CDC42SE2: variants seen among roughly 807,000 people sequenced by gnomAD.
The protein encoded by CDC42SE2 is CDC42 small effector protein 2.
In CDC42SE2, 3 loss-of-function variants were observed where a neutral mutation model predicts 11.5. That is an observed-to-expected ratio of 0.26 (90% confidence interval 0.12 to 0.67). CDC42SE2 has a LOEUF of 0.67. CDC42SE2 is among the 30% of genes least tolerant of loss of function. CDC42SE2 has a pLI of 0.80. For synonymous variants in CDC42SE2, 33 were observed against 34.8 expected (o/e 0.95, Z 0.18); for missense variants, 82 against 106.8 (o/e 0.77, Z 1.02).
chr5:131,213,423 T>G, the CDC42SE2 span, among the ~76,000 whole-genome samples: 6 of 152,080 alleles, frequency 3.9e-5, no homozygotes, highest in African/African-American at 1.4e-4. Flanking sequence ...AGATACCAAT[T>G]ATTTTTTTCT....
At chr5:131,235,872 G>T in the CDC42SE2 span, among the ~76,000 whole-genome samples, 6 of 152,196 alleles carry the variant, frequency 3.9e-5, no homozygotes, top group African/African-American at 1.4e-4. Flanking sequence ...GGGATTACAG[G>T]TGTGAGCCAC....
chr5:131,332,552 C>T (rs1758444217), intron 2 of CDC42SE2, among the ~76,000 whole-genome samples: 2 of 152,092 alleles, frequency 1.3e-5, no homozygotes, highest in African/African-American at 4.8e-5. Context: ...CACCAACTTC[C>T]ACAATGGTTG....
chr5:131,220,293 G>A, the CDC42SE2 span, among the ~76,000 whole-genome samples: 1 of 152,002 alleles, frequency 6.6e-6, no homozygotes. Context: ...TGCAACCTCC[G>A]TCTCCCGGTT....
At chr5:131,347,944 C>G (rs746006523) in intron 2 of CDC42SE2, among the ~76,000 whole-genome samples, 29 of 152,212 alleles carry the variant, frequency 1.9e-4, no homozygotes, top group Non-Finnish European at 3.7e-4. Context: ...CAAAATTCAA[C>G]AACGCTTCAT....
intron 1 of CDC42SE2, among the ~76,000 whole-genome samples, chr5:131,274,494 G>T (rs1757060538): frequency 6.6e-6 from 1 of 152,190 alleles, no homozygotes; most frequent in Admixed American, 6.5e-5. Context: ...TCTCTTGCAT[G>T]TATTATTTTA....
intron 2 of CDC42SE2, among the ~76,000 whole-genome samples, chr5:131,327,336 A>G (rs1758320208): frequency 6.6e-6 from 1 of 152,092 alleles, no homozygotes; most frequent in Non-Finnish European, 1.5e-5. Context: ...CAGTGAGTAT[A>G]TTGCTGGTAT....
chr5:131,282,683 C>T (rs1346485897), intron 1 of CDC42SE2, among the ~76,000 whole-genome samples: 1 of 152,066 alleles, frequency 6.6e-6, no homozygotes, highest in Non-Finnish European at 1.5e-5. Flanking sequence ...GGCTGGAGTG[C>T]AGTGGCGCGA....
At chr5:131,353,982 C>T (rs1243692652) in intron 2 of CDC42SE2, among the ~76,000 whole-genome samples, 8 of 151,754 alleles carry the variant, frequency 5.3e-5, no homozygotes, top group African/African-American at 1.9e-4. Context: ...GCTCATGCCT[C>T]TAATCCCAGC....
At chr5:131,312,053 T>C (rs1368824074) in intron 1 of CDC42SE2, among the ~76,000 whole-genome samples, 1 of 152,144 alleles carries the variant, frequency 6.6e-6, no homozygotes, top group Non-Finnish European at 1.5e-5. Flanking sequence ...TTCCGTTCTG[T>C]TTTTTCCCCA....
At chr5:131,389,747 C>T (rs1018162976) in intron 4 of CDC42SE2, among the ~76,000 whole-genome samples, 11 of 152,276 alleles carry the variant, frequency 7.2e-5, no homozygotes, top group African/African-American at 2.4e-4. Context: ...GATGATGCCC[C>T]GGTTCCTTCC....
At chr5:131,298,146 A>G (rs1757610032) in intron 1 of CDC42SE2, among the ~76,000 whole-genome samples, 1 of 149,478 alleles carries the variant, frequency 6.7e-6, no homozygotes, top group African/African-American at 2.5e-5. Context: ...CTTGTTGCCC[A>G]GGCTGGAGTG....
intron 3 of CDC42SE2, among the ~76,000 whole-genome samples, chr5:131,370,058 A>T (rs1749972886): frequency 6.6e-6 from 1 of 152,216 alleles, no homozygotes; most frequent in Non-Finnish European, 1.5e-5. Flanking sequence ...TTTTTAAAAG[A>T]GATGAAAAAT....
intron 2 of CDC42SE2, among the ~76,000 whole-genome samples, chr5:131,333,052 A>T (rs1318551143): frequency 9.9e-5 from 15 of 152,118 alleles, no homozygotes; most frequent in African/African-American, 3.1e-4. Context: ...CCGTGCCTAT[A>T]CCTGAATGGT....
intron 1 of CDC42SE2, among the ~76,000 whole-genome samples, chr5:131,300,257 T>C (rs1757651871): frequency 6.6e-6 from 1 of 152,016 alleles, no homozygotes; most frequent in African/African-American, 2.4e-5. Flanking sequence ...ACTTGCAGCA[T>C]TGAGGTTGCC....
At chr5:131,372,404 G>T (rs1750034841) in intron 3 of CDC42SE2, among the ~76,000 whole-genome samples, 1 of 152,024 alleles carries the variant, frequency 6.6e-6, no homozygotes, top group South Asian at 2.1e-4. Flanking sequence ...GTGAGGGCTG[G>T]TTCTCTATTA....
rs1750746198 is a variant in CDC42SE2, at chr5:131,393,740, A to G, written c.*2649A>G. ...TTAGTACAATTTTTCTACTTGTCATATAACTCCTGGAACAATAGTACGGGA... is the reference window on the plus strand; with the variant it reads ...TTAGTACAATTTTTCTACTTGTCATGTAACTCCTGGAACAATAGTACGGGA... On this transcript the variant is annotated 3_prime_UTR_variant, in exon 5 of 5. Transcript: ENST00000505065. 6.6e-6 allele frequency: 1 copy of G among 151,990 alleles called. No homozygotes were observed. The highest frequency in any genetic ancestry group is 6.6e-5 in the Admixed American group (1 of 15,244). 9.4% of individuals were successfully genotyped at this position (151,990 alleles called of 1,614,324 possible).
At chr5:131,225,947 C>T in the CDC42SE2 span, among the ~76,000 whole-genome samples, 2 of 152,182 alleles carry the variant, frequency 1.3e-5, no homozygotes, top group South Asian at 4.1e-4. Flanking sequence ...AGGATCAGGC[C>T]GAATTTATTG....
intron 3 of CDC42SE2, among the ~76,000 whole-genome samples, chr5:131,366,032 G>A (rs115478783): frequency 2.0e-4 from 31 of 152,196 alleles, no homozygotes; most frequent in African/African-American, 7.2e-4. Context: ...AAAACCCTAC[G>A]TTTTAGAAAA....
At chr5:131,298,294 A>T (rs1194227141) in intron 1 of CDC42SE2, among the ~76,000 whole-genome samples, 2 of 150,910 alleles carry the variant, frequency 1.3e-5, no homozygotes, top group East Asian at 3.9e-4. Flanking sequence ...TTAAGTAGAG[A>T]TGGGGTTTCT....
Sources: allele counts gnomAD v4.1 joint callset (sites outside exome capture counted in the v4.1 genomes callset), GRCh38; gene constraint gnomAD v4.1.1; transcripts MANE v1.5; gene names NCBI Gene and HGNC (gene_info 2026-07-23, HGNC 2026-07-21).